The following ANKRD39 variants were observed in gnomAD, a reference collection of about 807,000 sequenced individuals.
The protein encoded by ANKRD39 is ankyrin repeat domain 39.
Under a neutral mutation model 20.3 loss-of-function variants are expected in ANKRD39, and 18 were observed. That is an observed-to-expected ratio of 0.89 (90% CI 0.61 to 1.32). The LOEUF (loss-of-function observed/expected upper bound fraction) is 1.32. Ranked by LOEUF, ANKRD39 falls within the 40% of genes most tolerant of loss-of-function variation. The pLI is 0.00. For missense variants in ANKRD39, 243 were observed against 250.7 expected, an observed-to-expected ratio of 0.97 and a Z score of 0.21; for synonymous variants, 106 against 111.9, an observed-to-expected ratio of 0.95 and a Z score of 0.33.
At chr2:96,857,779 C>T in intron 1 of ANKRD39, 109 bp downstream of exon 1, 15 of 1,194,710 alleles carry the variant, frequency 1.3e-5, no homozygotes, top group Admixed American at 2.4e-5. Context: ...GGCCCCAAGC[C>T]CCAAGCCCCA....
intron 1 of ANKRD39, 88 bp downstream of exon 1, chr2:96,857,800 G>A (rs983623016): frequency 8.2e-5 from 113 of 1,376,906 alleles, no homozygotes; most frequent in Non-Finnish European, 1.1e-4. Flanking sequence ...AGCTCTCGGG[G>A]CCCCGTTCAT....
intron 3 of ANKRD39, among the ~76,000 whole-genome samples, chr2:96,852,826 G>C (rs2079844937): frequency 1.3e-5 from 2 of 152,166 alleles, no homozygotes; most frequent in South Asian, 4.1e-4. Flanking sequence ...TCAGCACTTA[G>C]GGAGGCAGAG....
At position 96,854,219 on chromosome 2, in the gene ANKRD39, TG is replaced by T. The variant is rs2079852282; in HGVS notation, c.204+118del. Reference sequence around the variant, plus strand: ...TGATGCTTAAAAAGAGAAATTTTGCTGGAAGAGAAGAAAGGGAGGGAGGAGG... The same window carrying T: ...TGATGCTTAAAAAGAGAAATTTTGCTGAAGAGAAGAAAGGGAGGGAGGAGG... On this transcript the variant is annotated intron_variant, in intron 2 of 3. Coordinates refer to ENST00000393537, the MANE Select transcript of ANKRD39 (RefSeq NM_016466.6). The T allele has an allele frequency of 3.9e-6, 4 of 1,036,152 alleles. No individual in the cohort carries two copies. In the Admixed American group the frequency reaches 7.3e-5, roughly 19 times the overall value. 64.2% of individuals were successfully genotyped at this position (1,036,152 alleles called of 1,614,324 possible).
intron 3 of ANKRD39, among the ~76,000 whole-genome samples, chr2:96,850,526 G>T (rs760511451): frequency 6.6e-6 from 1 of 152,108 alleles, no homozygotes; most frequent in South Asian, 2.1e-4. Context: ...TTAGCCAGGC[G>T]TGGTGGTGCG....
chr2:96,853,791 G>A (rs1281310541), intron 2 of ANKRD39, among the ~76,000 whole-genome samples, 187 bp from the exon 3 acceptor site: 1 of 152,180 alleles, frequency 6.6e-6, no homozygotes, highest in Non-Finnish European at 1.5e-5. Context: ...GAAAAATGGG[G>A]AAAATGATCA....
chr2:96,857,972 G>C lies in ANKRD39; in HGVS notation c.16C>G (p.Pro6Ala). The C allele has an allele frequency of 6.5e-7, 1 of 1,545,032 alleles. No individual in the cohort carries two copies. Among genetic ancestry groups the C allele is most frequent in the Non-Finnish European group, 8.7e-7 (1 of 1,153,488 alleles). The change falls in exon 1 of 4, where the codon CCC becomes GCC. Residue 6 changes from proline (P) to alanine (A), a missense_variant. Physicochemically the swap from Pro to Ala is conservative, Grantham distance 27 (BLOSUM62 -1). Transcript: ENST00000393537. MATPR[P>A]CADGPCCSHP... ...GAGCAGCAGGGCCCGTCCGCGCAGGGCCGAGGCGTCGCCATCCCGGCCCCG... is the reference window on the plus strand; with the variant it reads ...GAGCAGCAGGGCCCGTCCGCGCAGGCCCGAGGCGTCGCCATCCCGGCCCCG...
intron 1 of ANKRD39, among the ~76,000 whole-genome samples, chr2:96,855,727 A>G (rs2079859836): frequency 6.6e-6 from 1 of 151,696 alleles, no homozygotes. Flanking sequence ...CGTCTCAAAA[A>G]AAAAAAAAAA....
rs921695141 is a variant in ANKRD39 at position 96,851,595 on chromosome 2, T to A, written c.408+1806A>T. On this transcript the variant is annotated intron_variant, in intron 3 of 3. Coordinates refer to ENST00000393537, the MANE Select transcript of ANKRD39 (RefSeq NM_016466.6). The stretch of plus-strand genomic sequence containing the variant: ...TGTGAGCCTTTGTGCCCAGCCAGGC[T>A]GCAACAATTTGAACAGGACAAAGCC... Among the ~76,000 whole-genome samples the A allele has an allele frequency of 7.0e-4, 106 of 152,300 alleles. 1 individual carries two copies. Among genetic ancestry groups the A allele is most frequent in the African/African-American group, 2.5e-3 (103 of 41,570 alleles).
chr2:96,848,832 A>T (rs1227433806), intron 3 of ANKRD39, among the ~76,000 whole-genome samples: 3 of 151,880 alleles, frequency 2.0e-5, no homozygotes, highest in Non-Finnish European at 2.9e-5. Flanking sequence ...AAAAAAAAAG[A>T]GGCCTCATGG....
At chr2:96,850,055 C>T (rs2079829474) in intron 3 of ANKRD39, among the ~76,000 whole-genome samples, 1 of 152,218 alleles carries the variant, frequency 6.6e-6, no homozygotes, top group Non-Finnish European at 1.5e-5. Flanking sequence ...GCTAACGTGT[C>T]CACCTGGGAT....
Position 96,853,574 on chromosome 2 carries a change from C to T in ANKRD39, c.235G>A (p.Val79Met), listed in dbSNP as rs1258090587. Residue 79 changes from valine (V) to methionine (M), a missense_variant, in exon 3 of 4, where the codon GTG (valine) becomes ATG (methionine). By Grantham distance (21) the Val-to-Met change is conservative (BLOSUM62 1). Coordinates refer to ENST00000393537, the MANE Select transcript of ANKRD39 (RefSeq NM_016466.6). ...CCGCTTTCCAGCAGGAACTGGCACA[C>T]AGCGTAGTGCCCATTGCGGCTGGCA... Reference protein sequence around the residue: ...HYASRNGHYAVCQFLLESGAK... With the variant: ...HYASRNGHYAMCQFLLESGAK... The T allele has an allele frequency of 5.6e-6, 9 of 1,612,354 alleles. No individual in the cohort carries two copies. The highest frequency in any genetic ancestry group is 7.6e-6 in the Non-Finnish European group (9 of 1,179,994).
intron 3 of ANKRD39, 62 bp downstream of exon 3, chr2:96,853,339 A>G (rs1352071202): frequency 2.0e-6 from 3 of 1,505,206 alleles, no homozygotes; most frequent in Non-Finnish European, 2.7e-6. Context: ...TGTTTTCTAC[A>G]TGAACATGTT....
At chr2:96,855,742 T>C (rs1189742278) in intron 1 of ANKRD39, among the ~76,000 whole-genome samples, 1 of 145,406 alleles carries the variant, frequency 6.9e-6, no homozygotes, top group East Asian at 2.0e-4. Flanking sequence ...AAAAAAGATA[T>C]ATTACTGTGC....
intron 1 of ANKRD39, among the ~76,000 whole-genome samples, chr2:96,857,315 C>T (rs542641255): frequency 8.5e-5 from 13 of 152,346 alleles, no homozygotes; most frequent in Admixed American, 4.6e-4. Context: ...TTCCCGCCTT[C>T]CTCTGTTCCT....
At position 96,857,868 on chromosome 2, in the gene ANKRD39, G is replaced by A. The variant is rs1265083237; in HGVS notation, c.100+20C>T. The stretch of plus-strand genomic sequence containing the variant: ...GGCCGGGGCCTGGTGAGAACCACGA[G>A]GGCCGCGCGGCAGCCTCACCCCTCT... On this transcript the variant is annotated intron_variant, in intron 1 of 3. Coordinates refer to ENST00000393537, the MANE Select transcript of ANKRD39 (RefSeq NM_016466.6). 1.3e-6 allele frequency: 2 copies of A among 1,554,936 alleles called. No homozygotes were observed. Among genetic ancestry groups the A allele is most frequent in the Non-Finnish European group, 1.7e-6 (2 of 1,156,120 alleles).
At position 96,857,734 on chromosome 2, in the gene ANKRD39, C is replaced by A. The variant is rs1414486714; in HGVS notation, c.100+154G>T. 9.2e-5 allele frequency among the ~76,000 whole-genome samples: 14 copies of A among 152,258 alleles called. 1 individual carries two copies. The highest frequency in any genetic ancestry group is 9.2e-4 in the Admixed American group (14 of 15,292). On this transcript the variant is annotated intron_variant, in intron 1 of 3. Coordinates refer to ENST00000393537, the MANE Select transcript of ANKRD39 (RefSeq NM_016466.6). The stretch of plus-strand genomic sequence containing the variant: ...GGGGCCCTGGGAGGCTCTCAGTACA[C>A]GGGAACCGTGGGTCCCGCCCGCCTT...
chr2:96,853,268 G>T, intron 3 of ANKRD39, 133 bp downstream of exon 3: 2 of 1,129,320 alleles, frequency 1.8e-6, no homozygotes, highest in Non-Finnish European at 2.5e-6. Context: ...AGTGATGACA[G>T]GTGAGCAAGG....
intron 3 of ANKRD39, among the ~76,000 whole-genome samples, chr2:96,849,511 G>A (rs1175410916): frequency 5.3e-5 from 8 of 152,104 alleles, no homozygotes; most frequent in African/African-American, 1.2e-4. Context: ...TTAGCCAGGC[G>A]TGGTGGCATG....
rs868018439 is a variant in ANKRD39, at chr2:96,853,382, G to C, written c.408+19C>G. ...TAAAAATAAGGAAACGACATTTTTG[G>C]AAGGGGGAACGGGCCCACCTTATGC... On this transcript the variant is annotated intron_variant, in intron 3 of 3. Transcript: ENST00000393537. The C allele has an allele frequency of 1.9e-6, 3 of 1,556,100 alleles. No homozygotes were observed. In the Middle Eastern group the frequency reaches 5.0e-4, roughly 260 times the overall value.
Sources: gnomAD v4.1 joint callset for allele counts (sites outside exome capture counted in the v4.1 genomes callset) on GRCh38, gnomAD v4.1.1 for gene constraint, MANE v1.5 for transcripts, NCBI Gene and HGNC (gene_info 2026-07-23, HGNC 2026-07-21) for gene names.